Variants in ZNF423 observed in about 807,000 individuals in gnomAD.
The protein encoded by ZNF423 is Ebf-associated zinc finger protein.
A neutral mutation model predicts 95.8 loss-of-function variants in ZNF423; 12 were observed. The ratio of observed to expected loss-of-function variants is 0.13; its 90% CI spans 0.08 to 0.20. The LOEUF is 0.20. Among genes scored for constraint, ZNF423 ranks in the 10% least tolerant of loss-of-function variants. The pLI is 1.00. For synonymous variants in ZNF423, 749 were observed against 711.9 expected, an observed-to-expected ratio of 1.05 and a Z score of -0.83; for missense variants, 1,316 against 1,737.1, an observed-to-expected ratio of 0.76 and a Z score of 4.31.
At chr16:49,817,292 TG>T (rs1172184434) in intron 1 of ZNF423, among the ~76,000 whole-genome samples, 2 of 152,216 alleles carry the variant, frequency 1.3e-5, no homozygotes, top group African/African-American at 4.8e-5. Context: ...CCTAAAATGC[TG>T]ATCTTAGGTC....
chr16:49,491,269 G>T lies in ZNF423; in HGVS notation c.*6C>A. ...TCTGCGGAGAGGTGTCCTGTTGAGC[G>T]ATCCCTCACTGTGCGTGCTGGCTCA... On this transcript the variant is annotated 3_prime_UTR_variant, in exon 8 of 8. Coordinates refer to ENST00000563137, the MANE Select transcript of ZNF423 (RefSeq NM_001379286.1). 6.2e-7 allele frequency: 1 copy of T among 1,614,100 alleles called. No individual in the cohort carries two copies. The highest frequency in any genetic ancestry group is 8.5e-7 in the Non-Finnish European group (1 of 1,180,032).
rs556291427 is a variant in ZNF423 at position 49,600,314 on chromosome 16, T to C, written c.3601+25856A>G. Among the ~76,000 whole-genome samples the C allele has an allele frequency of 4.6e-5, 7 of 151,972 alleles. No homozygotes were observed. In the South Asian group the frequency reaches 1.5e-3, roughly 32 times the overall value. On this transcript the variant is annotated intron_variant, in intron 5 of 7. Transcript: ENST00000563137. The stretch of plus-strand genomic sequence containing the variant: ...CAGCCTGGGCGACAGAGCAAGACTC[T>C]GTCCCTAAAAAATAATAAATAAAAA...
At chr16:49,716,025 C>T (rs932623132) in intron 3 of ZNF423, among the ~76,000 whole-genome samples, 9 of 151,944 alleles carry the variant, frequency 5.9e-5, no homozygotes, top group African/African-American at 1.2e-4. Flanking sequence ...GAGGAGAAGC[C>T]GCAAGAGGCA....
intron 3 of ZNF423, among the ~76,000 whole-genome samples, chr16:49,718,078 C>T (rs554606610): frequency 6.6e-6 from 1 of 152,216 alleles, no homozygotes; most frequent in Non-Finnish European, 1.5e-5. Context: ...CCAGTGCTCA[C>T]CCAGTGTTTT....
Position 49,637,653 on chromosome 16 carries a change from C to G in ZNF423, c.1523G>C (p.Arg508Pro), listed in dbSNP as rs779795080. The G allele has an allele frequency of 6.2e-7, 1 of 1,614,018 alleles. No homozygotes were observed. The change falls in exon 4 of 8, where the codon CGC becomes CCC. Residue 508 changes from arginine to proline, a missense_variant. Arg to Pro is a moderately radical substitution (Grantham distance 103). Coordinates refer to ENST00000563137, the MANE Select transcript of ZNF423 (RefSeq NM_001379286.1). This position sits in a 1 kb window ranked among gnomAD's most constrained non-coding sequence, Gnocchi z 5.6. ...GGCGTTGGGGCCGCAGTGGGAGACG[C>G]GGATGTGCTCCTGCAGGCTATTGAT... ...ADINSLQEHIRVSHCGPNANP... is the reference protein window; with the variant it reads ...ADINSLQEHIPVSHCGPNANP...
At chr16:49,759,170 C>T (rs963425009) in intron 2 of ZNF423, among the ~76,000 whole-genome samples, 1 of 152,142 alleles carries the variant, frequency 6.6e-6, no homozygotes, top group Non-Finnish European at 1.5e-5. Flanking sequence ...GAGGCCAAGA[C>T]GGGCAGATCA....
rs147261944 is a variant in ZNF423 at position 49,845,250 on chromosome 16, G to A, written c.40+10485C>T. On this transcript the variant is annotated intron_variant, in intron 1 of 7. Transcript: ENST00000563137. ...CTCCTGGGTAGCTGAGATTACAGGCGCATGCCACCACGCCTGGCTATTTTT... is the reference window on the plus strand; with the variant it reads ...CTCCTGGGTAGCTGAGATTACAGGCACATGCCACCACGCCTGGCTATTTTT... Among the ~76,000 whole-genome samples, 962 of 151,124 alleles carry A rather than the reference G, an allele frequency of 6.4e-3. 9 individuals carry two copies. Among genetic ancestry groups the A allele is most frequent in the African/African-American group, 0.022 (898 of 41,194 alleles).
chr16:49,549,404 G>C (rs906476260), intron 5 of ZNF423, among the ~76,000 whole-genome samples: 1 of 152,358 alleles, frequency 6.6e-6, no homozygotes, highest in African/African-American at 2.4e-5. Flanking sequence ...CACCAGGCAA[G>C]TGCATGATTC....
chr16:49,789,950 A>T (rs1427369471), intron 1 of ZNF423, among the ~76,000 whole-genome samples: 9 of 152,120 alleles, frequency 5.9e-5, no homozygotes, highest in Non-Finnish European at 1.2e-4. Context: ...CAATGACAGC[A>T]CGTCTGAGCA....
chr16:49,737,882 G>A (rs1203502535), intron 2 of ZNF423, among the ~76,000 whole-genome samples: 2 of 152,156 alleles, frequency 1.3e-5, no homozygotes, highest in Admixed American at 1.3e-4. Flanking sequence ...CCTTGCTCTC[G>A]TGTCCCGGGA....
chr16:49,790,667 G>A (rs2143830124), intron 1 of ZNF423, among the ~76,000 whole-genome samples: 1 of 152,374 alleles, frequency 6.6e-6, no homozygotes, highest in Non-Finnish European at 1.5e-5. Flanking sequence ...AGGCTGGCTT[G>A]TGGTCAGAAC....
chr16:49,801,554 C>T (rs1056817653), intron 1 of ZNF423, among the ~76,000 whole-genome samples: 1 of 152,158 alleles, frequency 6.6e-6, no homozygotes, highest in Non-Finnish European at 1.5e-5. Context: ...ATGTGCACTT[C>T]GGTTGCACAA....
At chr16:49,591,948 T>C (rs1971022828) in intron 5 of ZNF423, among the ~76,000 whole-genome samples, 1 of 152,248 alleles carries the variant, frequency 6.6e-6, no homozygotes, top group South Asian at 2.1e-4. Context: ...TGGGTCACAC[T>C]GTGTCATGAT....
intron 5 of ZNF423, among the ~76,000 whole-genome samples, chr16:49,619,357 A>C (rs1971981625): frequency 6.6e-6 from 1 of 152,198 alleles, no homozygotes; most frequent in African/African-American, 2.4e-5. Context: ...GCCTTCCCCC[A>C]AAACAAACAA....
chr16:49,661,856 G>C (rs2030247410), intron 3 of ZNF423, among the ~76,000 whole-genome samples: 3 of 152,150 alleles, frequency 2.0e-5, no homozygotes, highest in African/African-American at 7.2e-5. Context: ...GTGTAAACCA[G>C]GATACGTTAA....
At chr16:49,648,691 T>A (rs920737380) in intron 3 of ZNF423, among the ~76,000 whole-genome samples, 4 of 151,952 alleles carry the variant, frequency 2.6e-5, no homozygotes, top group Non-Finnish European at 4.4e-5. Flanking sequence ...TCTAAGAGAT[T>A]TACTTACAAG....
At chr16:49,782,700 C>T in intron 2 of ZNF423, among the ~76,000 whole-genome samples, 1 of 152,238 alleles carries the variant, frequency 6.6e-6, no homozygotes, top group East Asian at 1.9e-4. Flanking sequence ...CTCCCTGCTG[C>T]TGTTCCAGAG....
chr16:49,620,383 G>C (rs1472843733), intron 5 of ZNF423, among the ~76,000 whole-genome samples: 2 of 152,144 alleles, frequency 1.3e-5, no homozygotes, highest in African/African-American at 4.8e-5. Flanking sequence ...CTGGGCAGGA[G>C]GCAGGAGGGG....
At chr16:49,843,567 C>T (rs996467786) in intron 1 of ZNF423, among the ~76,000 whole-genome samples, 1 of 152,130 alleles carries the variant, frequency 6.6e-6, no homozygotes, top group South Asian at 2.1e-4. Context: ...TCATAGAAAA[C>T]TGAGAAACTA....
Sources: allele counts gnomAD v4.1 joint callset (sites outside exome capture counted in the v4.1 genomes callset), GRCh38; gene constraint gnomAD v4.1.1; non-coding constraint Gnocchi (gnomAD v3.1); transcripts MANE v1.5; gene names NCBI Gene and HGNC (gene_info 2026-07-23, HGNC 2026-07-21).